DRD3: variants seen among roughly 807,000 people sequenced by gnomAD.
DRD3 encodes D(3) dopamine receptor.
Under a neutral mutation model 36.3 loss-of-function variants are expected in DRD3, and 19 were observed. The observed-to-expected ratio is 0.52, with a 90% CI of 0.36 to 0.77. DRD3 has a LOEUF of 0.77. Ranked by LOEUF, DRD3 falls within the 30% of genes least tolerant of loss-of-function variation. The pLI is 0.00. For synonymous variants in DRD3, 195 were observed against 203.7 expected, an observed-to-expected ratio of 0.96 and a Z score of 0.36; for missense variants, 465 against 505.3, an observed-to-expected ratio of 0.92 and a Z score of 0.77.
At chr3:114,197,081 C>A (rs1576098324) in intron 1 of DRD3, among the ~76,000 whole-genome samples, 1 of 149,500 alleles carries the variant, frequency 6.7e-6, no homozygotes. Flanking sequence ...TGCGCTGCAC[C>A]CACTAACTTG....
chr3:114,139,687 G>A lies in DRD3; in HGVS notation c.536C>T (p.Thr179Ile), dbSNP rs1169778324. ...ATCAGGGTTGGAGATGGAGCAGACA[G>A]TGGGGTCCCCTGTGGATGAGAAGGG... ...LFGFNTTGDP[T>I]VCSISNPDFV... Residue 179 changes from threonine (T) to isoleucine (I), a missense_variant, in exon 5 of 7, where the codon ACT becomes ATT. Thr to Ile is a moderately conservative substitution (Grantham distance 89). Transcript: ENST00000383673. 6.2e-7 allele frequency: 1 copy of A among 1,613,920 alleles called. No homozygotes were observed. The highest frequency in any genetic ancestry group is 2.2e-5 in the East Asian group (1 of 44,894).
At chr3:114,164,028 C>A (rs1479233989) in intron 2 of DRD3, among the ~76,000 whole-genome samples, 1 of 151,604 alleles carries the variant, frequency 6.6e-6, no homozygotes, top group African/African-American at 2.4e-5. Flanking sequence ...CGAGACCAGC[C>A]TGGCCAACGT....
At chr3:114,190,293 G>T (rs560316219) in intron 1 of DRD3, among the ~76,000 whole-genome samples, 9 of 150,454 alleles carry the variant, frequency 6.0e-5, no homozygotes, top group Non-Finnish European at 1.2e-4. Context: ...CATTCAAGCT[G>T]CAATTGCTGG....
intron 1 of DRD3, among the ~76,000 whole-genome samples, chr3:114,193,234 G>A (rs1426772153): frequency 2.6e-5 from 4 of 152,132 alleles, no homozygotes; most frequent in Non-Finnish European, 5.9e-5. Context: ...AGCCAAGATC[G>A]CGCCACTGCA....
At chr3:114,131,081 A>G in intron 6 of DRD3, 37 bp downstream of exon 6, 1 of 1,596,338 alleles carries the variant, frequency 6.3e-7, no homozygotes, top group Non-Finnish European at 8.6e-7. Flanking sequence ...ACACAACCTA[A>G]CCCAACCCAA....
At chr3:114,162,993 A>G (rs192044748) in intron 2 of DRD3, among the ~76,000 whole-genome samples, 43 of 152,266 alleles carry the variant, frequency 2.8e-4, no homozygotes, top group African/African-American at 9.6e-4. Context: ...AGTTTTATTT[A>G]ATACCCCTCC....
At chr3:114,161,181 G>C (rs748410249) in intron 2 of DRD3, among the ~76,000 whole-genome samples, 1 of 152,170 alleles carries the variant, frequency 6.6e-6, no homozygotes, top group African/African-American at 2.4e-5. Context: ...TTGTGCCTCT[G>C]GCTGTAGCTG....
intron 3 of DRD3, among the ~76,000 whole-genome samples, chr3:114,155,954 C>G (rs1243921099): frequency 6.6e-6 from 1 of 152,158 alleles, no homozygotes; most frequent in East Asian, 1.9e-4. Flanking sequence ...TCTCCTTCTC[C>G]CAATAATATC....
At chr3:114,181,240 A>G (rs927786086), upstream of DRD3, among the ~76,000 whole-genome samples, 9 of 152,192 alleles carry the variant, frequency 5.9e-5, no homozygotes, top group Admixed American at 2.0e-4. Flanking sequence ...CAGGAAAATT[A>G]ACTGACATGC....
Position 114,131,340 on chromosome 3 carries a change from T to C in DRD3, c.784A>G (p.Thr262Ala), listed in dbSNP as rs147915170. The C allele has an allele frequency of 8.7e-6, 14 of 1,614,246 alleles. No homozygotes were observed. The African/African-American group carries it at 1.9e-4, about 22-fold the overall frequency. ...LKRYYSICQD[T>A]ALGGPGFQER... ...TGGAAGCCTGGTCCACCCAAGGCAGTGTCCTGGCAGATGCTGTAGTAACGC... is the reference window on the plus strand; with the variant it reads ...TGGAAGCCTGGTCCACCCAAGGCAGCGTCCTGGCAGATGCTGTAGTAACGC... Residue 262 changes from threonine to alanine, a missense_variant, in exon 6 of 7, where the codon ACT becomes GCT. Coordinates refer to ENST00000383673, the MANE Select transcript of DRD3 (RefSeq NM_000796.6).
chr3:114,147,785 A>T (rs2077582130), intron 3 of DRD3, among the ~76,000 whole-genome samples: 1 of 151,978 alleles, frequency 6.6e-6, no homozygotes, highest in South Asian at 2.1e-4. Flanking sequence ...ACGCCTGCCT[A>T]ATTATTTTAT....
chr3:114,164,220 CAAAAAAAA>C (rs34500434), intron 2 of DRD3, among the ~76,000 whole-genome samples: 1,268 of 17,788 alleles, frequency 0.071, 37 homozygotes, highest in South Asian at 0.22. Context: ...GCCTCAGTCT[CAAAAAAAA>C]AAAAAAAAAA....
chr3:114,164,816 A>G (rs1267218288), intron 2 of DRD3, among the ~76,000 whole-genome samples: 1 of 152,202 alleles, frequency 6.6e-6, no homozygotes, highest in Admixed American at 6.5e-5. Context: ...CAGTGGCACA[A>G]TCTCGGCTCA....
intron 5 of DRD3, among the ~76,000 whole-genome samples, chr3:114,133,389 C>T (rs560997790): frequency 7.3e-4 from 111 of 151,992 alleles, no homozygotes; most frequent in Non-Finnish European, 1.1e-3. Context: ...GATGTGTGAA[C>T]GTAGGTGGGA....
upstream of DRD3, among the ~76,000 whole-genome samples, chr3:114,182,999 G>A (rs2077956456): frequency 6.6e-6 from 1 of 152,094 alleles, no homozygotes; most frequent in Non-Finnish European, 1.5e-5. Flanking sequence ...AGCTCTTTTA[G>A]ATATATATCC....
chr3:114,187,180 T>G (rs2077980212), intron 1 of DRD3, among the ~76,000 whole-genome samples: 1 of 152,234 alleles, frequency 6.6e-6, no homozygotes, highest in South Asian at 2.1e-4. Flanking sequence ...CTTTCTTTTC[T>G]TTTTTTGCAA....
chr3:114,168,525 C>T (rs2077808293), intron 2 of DRD3, among the ~76,000 whole-genome samples: 1 of 152,152 alleles, frequency 6.6e-6, no homozygotes, highest in Non-Finnish European at 1.5e-5. Context: ...CTCTTAGAAA[C>T]ATGCTTTAAG....
rs570975339 is a variant in DRD3 at position 114,167,212 on chromosome 3, A to C, written c.270+4511T>G. 1.1e-4 allele frequency among the ~76,000 whole-genome samples: 17 copies of C among 152,148 alleles called. 1 individual carries two copies. The highest frequency in any genetic ancestry group is 4.1e-4 in the African/African-American group (17 of 41,504). Reference sequence around the variant, plus strand: ...TCCTCAAGTTTTTCCTCCTGTCTACACTGGGACCCAAGTAGTCTGAGTTTA... The same window carrying C: ...TCCTCAAGTTTTTCCTCCTGTCTACCCTGGGACCCAAGTAGTCTGAGTTTA... On this transcript the variant is annotated intron_variant, in intron 2 of 6. Coordinates refer to ENST00000383673, the MANE Select transcript of DRD3 (RefSeq NM_000796.6).
chr3:114,132,834 C>T (rs962826871), intron 5 of DRD3, among the ~76,000 whole-genome samples: 2 of 152,142 alleles, frequency 1.3e-5, no homozygotes, highest in African/African-American at 4.8e-5. Flanking sequence ...AAAATATGTG[C>T]CTTATTTGAA....
Sources: allele counts gnomAD v4.1 joint callset (sites outside exome capture counted in the v4.1 genomes callset), GRCh38; gene constraint gnomAD v4.1.1; transcripts MANE v1.5; gene names NCBI Gene and HGNC (gene_info 2026-07-23, HGNC 2026-07-21).